Variants in PDE4B observed in about 807,000 individuals in gnomAD.
PDE4B encodes the protein phosphodiesterase 4B.
Under a neutral mutation model 82.2 loss-of-function variants are expected in PDE4B, and 20 were observed. The observed-to-expected ratio is 0.24, with a 90% CI of 0.17 to 0.35. The LOEUF (loss-of-function observed/expected upper bound fraction) is 0.35. Ranked by LOEUF, PDE4B falls within the 10% of genes least tolerant of loss-of-function variation. The pLI, the probability that PDE4B is intolerant of heterozygous loss-of-function variation, is 1.00. For synonymous variants in PDE4B, 320 were observed against 318.9 expected (o/e 1.00, Z -0.04); for missense variants, 655 against 907.2 (o/e 0.72, Z 3.57).
intron 3 of PDE4B, among the ~76,000 whole-genome samples, chr1:66,155,039 G>A (rs1646475406): frequency 6.6e-6 from 1 of 152,108 alleles, no homozygotes; most frequent in South Asian, 2.1e-4. Flanking sequence ...TAAGGCAGGA[G>A]GATCTCTTGA....
chr1:65,894,784 C>G (rs182803865), intron 1 of PDE4B, among the ~76,000 whole-genome samples: 4 of 152,022 alleles, frequency 2.6e-5, no homozygotes, highest in Non-Finnish European at 5.9e-5. Context: ...ATTGTTAGTT[C>G]TTAGGGAAAT....
chr1:66,183,345 A>G (rs943886215), intron 3 of PDE4B, among the ~76,000 whole-genome samples: 10 of 152,194 alleles, frequency 6.6e-5, no homozygotes, highest in African/African-American at 2.4e-4. Flanking sequence ...CCATTTCTAA[A>G]TGCTATCACA....
chr1:65,881,054 T>C (rs1360290818), intron 1 of PDE4B, among the ~76,000 whole-genome samples: 3 of 152,198 alleles, frequency 2.0e-5, no homozygotes, highest in African/African-American at 4.8e-5. Flanking sequence ...CAACTCCTCA[T>C]TGTGACTAGT....
chr1:65,841,766 C>T (rs995905461), intron 1 of PDE4B, among the ~76,000 whole-genome samples: 1 of 152,004 alleles, frequency 6.6e-6, no homozygotes, highest in African/African-American at 2.4e-5. Context: ...TTTAGTGTAA[C>T]ATACAAAAAT....
chr1:66,261,291 G>T (rs1360403766), intron 6 of PDE4B, among the ~76,000 whole-genome samples: 1 of 152,124 alleles, frequency 6.6e-6, no homozygotes, highest in African/African-American at 2.4e-5. Flanking sequence ...CCAAGAGAAG[G>T]AACTGAAGAC....
intron 1 of PDE4B, among the ~76,000 whole-genome samples, chr1:65,906,087 A>C (rs576413995): frequency 6.6e-6 from 1 of 152,258 alleles, no homozygotes; most frequent in African/African-American, 2.4e-5. Context: ...TCTCATTGAA[A>C]GTTGGTAATA....
intron 3 of PDE4B, among the ~76,000 whole-genome samples, chr1:66,228,902 T>C (rs1651695083): frequency 7.7e-6 from 1 of 129,604 alleles, no homozygotes; most frequent in East Asian, 5.0e-4. Flanking sequence ...GTAAAGTCTG[T>C]CTTCTATAGT....
At chr1:65,826,399 G>A (rs995822716) in intron 1 of PDE4B, among the ~76,000 whole-genome samples, 7 of 152,158 alleles carry the variant, frequency 4.6e-5, no homozygotes, top group Non-Finnish European at 8.8e-5. Flanking sequence ...GCATGGTAGT[G>A]AAGTCCCTGG....
intron 3 of PDE4B, among the ~76,000 whole-genome samples, chr1:66,160,312 A>G (rs1483161745): frequency 2.0e-5 from 3 of 152,118 alleles, no homozygotes; most frequent in Admixed American, 6.6e-5. Context: ...AATCCTTTCA[A>G]TTGCTTCTTT....
intron 1 of PDE4B, among the ~76,000 whole-genome samples, chr1:65,857,784 C>T (rs1328546332): frequency 6.6e-6 from 1 of 152,326 alleles, no homozygotes; most frequent in Non-Finnish European, 1.5e-5. Flanking sequence ...TAAGTGAATA[C>T]TTGAAGTCAG....
intron 3 of PDE4B, among the ~76,000 whole-genome samples, chr1:65,970,110 T>C (rs1187725283): frequency 6.6e-6 from 1 of 152,054 alleles, no homozygotes; most frequent in Non-Finnish European, 1.5e-5. Flanking sequence ...AATTTACTTA[T>C]TTAACAAACT....
chr1:65,974,368 T>G (rs1650299846), intron 3 of PDE4B, among the ~76,000 whole-genome samples: 1 of 152,240 alleles, frequency 6.6e-6, no homozygotes, highest in African/African-American at 2.4e-5. Context: ...AACTACTGAT[T>G]GCTAAAGCTG....
chr1:65,809,914 TG>T (rs1159903209), intron 1 of PDE4B, among the ~76,000 whole-genome samples: 54 of 152,268 alleles, frequency 3.5e-4, no homozygotes, highest in African/African-American at 1.3e-3. Flanking sequence ...AACTTATTTA[TG>T]AATAGTTTCT....
intron 3 of PDE4B, among the ~76,000 whole-genome samples, chr1:66,184,423 T>C (rs1228835506): frequency 6.6e-6 from 1 of 152,160 alleles, no homozygotes; most frequent in African/African-American, 2.4e-5. Flanking sequence ...CTCTCTGCCT[T>C]TATAGGTCTT....
At chr1:66,211,556 G>A (rs1048125839) in intron 3 of PDE4B, among the ~76,000 whole-genome samples, 5 of 152,056 alleles carry the variant, frequency 3.3e-5, no homozygotes, top group Admixed American at 2.0e-4. Context: ...AAATGATTTT[G>A]GTTTATTAAT....
chr1:65,947,643 G>A (rs1648779001), intron 3 of PDE4B, among the ~76,000 whole-genome samples: 1 of 151,890 alleles, frequency 6.6e-6, no homozygotes, highest in African/African-American at 2.4e-5. Flanking sequence ...ATCAGAAAAG[G>A]GAAATTTAGA....
intron 7 of PDE4B, among the ~76,000 whole-genome samples, chr1:66,275,731 G>A (rs1655832508): frequency 6.6e-6 from 1 of 152,142 alleles, no homozygotes; most frequent in Non-Finnish European, 1.5e-5. Flanking sequence ...CTCCAGAACT[G>A]TTCTCGGAAG....
At position 66,066,707 on chromosome 1, in the gene PDE4B, G is replaced by A. The variant is rs144795914; in HGVS notation, c.281+147872G>A. ...TGCTTTTCAACGCCTTGTATCTTAT[G>A]TCTCATTCACCCTTCCCCACTAATC... On this transcript the variant is annotated intron_variant, in intron 3 of 16. Coordinates refer to ENST00000341517, the MANE Select transcript of PDE4B (RefSeq NM_002600.4). 2.4e-3 allele frequency among the ~76,000 whole-genome samples: 366 copies of A among 151,960 alleles called. 2 individuals are homozygous for A. The highest frequency in any genetic ancestry group is 0.011 in the Admixed American group (168 of 15,230).
intron 3 of PDE4B, among the ~76,000 whole-genome samples, chr1:65,963,587 T>C (rs1244652016): frequency 6.6e-6 from 1 of 152,214 alleles, no homozygotes; most frequent in East Asian, 1.9e-4. Flanking sequence ...GTGATTGTTG[T>C]CAGCTTATCA....
Sources: gnomAD v4.1 joint callset for allele counts (sites outside exome capture counted in the v4.1 genomes callset) on GRCh38, gnomAD v4.1.1 for gene constraint, MANE v1.5 for transcripts, NCBI Gene and HGNC (gene_info 2026-07-23, HGNC 2026-07-21) for gene names.